The following CD226 variants were observed in gnomAD, a reference collection of about 807,000 sequenced individuals.
CD226 encodes the protein CD226 molecule.
CD226 carries 24 observed loss-of-function variants against 34.9 expected under a neutral mutation model. That is an observed-to-expected ratio of 0.69 (90% CI 0.50 to 0.97). CD226 has a LOEUF of 0.97. Ranked by LOEUF, CD226 falls within the 50% of genes least tolerant of loss-of-function variation. The probability of loss-of-function intolerance (pLI) is 0.00; values close to 1 mark genes in which losing one functional copy is unlikely to be tolerated. For missense variants in CD226, 397 were observed against 412.7 expected (o/e 0.96, Z 0.33); for synonymous variants, 148 against 147.4 (o/e 1.00, Z -0.03).
chr18:69,920,009 A>G (rs1251084503), intron 2 of CD226, among the ~76,000 whole-genome samples: 1 of 151,876 alleles, frequency 6.6e-6, no homozygotes, highest in Non-Finnish European at 1.5e-5. Flanking sequence ...GACAACAGAC[A>G]TGTGCCACCA....
intron 2 of CD226, among the ~76,000 whole-genome samples, chr18:69,903,204 C>T (rs1204072195): frequency 6.6e-6 from 1 of 152,134 alleles, no homozygotes; most frequent in East Asian, 1.9e-4. Context: ...CTTTGCCTGC[C>T]TCATAGTTCT....
intron 4 of CD226, among the ~76,000 whole-genome samples, chr18:69,869,794 T>C (rs972798872): frequency 6.8e-6 from 1 of 148,046 alleles, no homozygotes; most frequent in Non-Finnish European, 1.5e-5. Context: ...GATTTTCTTT[T>C]TTTTCTTTTT....
chr18:69,942,911 C>T (rs2055743954), intron 2 of CD226, among the ~76,000 whole-genome samples: 1 of 152,216 alleles, frequency 6.6e-6, no homozygotes, highest in African/African-American at 2.4e-5. Flanking sequence ...CCCCAGACCC[C>T]GGCCTCTCTA....
chr18:69,936,977 C>T (rs940214906), intron 2 of CD226, among the ~76,000 whole-genome samples: 21 of 152,200 alleles, frequency 1.4e-4, no homozygotes, highest in African/African-American at 4.8e-4. Flanking sequence ...TCCTCCATCA[C>T]TTTCACCTGT....
intron 3 of CD226, among the ~76,000 whole-genome samples, chr18:69,890,938 T>C (rs2145229868): frequency 6.6e-6 from 1 of 151,910 alleles, no homozygotes; most frequent in South Asian, 2.1e-4. Flanking sequence ...ATTTAATTCT[T>C]TTTTAAAAAA....
rs1228662635 is a variant in CD226, at chr18:69,862,273, T to C, written c.*2041A>G. On this transcript the variant is annotated 3_prime_UTR_variant, in exon 6 of 6. Coordinates refer to ENST00000582621, the MANE Select transcript of CD226 (RefSeq NM_001303618.2). ...TTTTCCTGCTCACATACACTAATCATTGAGAATTTGGTTATTGGAGTTTTC... is the reference window on the plus strand; with the variant it reads ...TTTTCCTGCTCACATACACTAATCACTGAGAATTTGGTTATTGGAGTTTTC... 1 of 152,166 alleles carries C rather than the reference T, an allele frequency of 6.6e-6. No individual in the cohort carries two copies. The highest frequency in any genetic ancestry group is 1.5e-5 in the Non-Finnish European group (1 of 67,988). The allele number at this position is 152,166 out of a possible 1,614,324, so 9.4% of individuals were successfully genotyped here.
intron 5 of CD226, among the ~76,000 whole-genome samples, chr18:69,866,782 G>A (rs886689042): frequency 1.3e-5 from 2 of 152,078 alleles, no homozygotes; most frequent in Non-Finnish European, 1.5e-5. Flanking sequence ...GGAGAGGGGT[G>A]GGCCTTTAAG....
intron 2 of CD226, among the ~76,000 whole-genome samples, chr18:69,908,068 T>C (rs1033999516): frequency 1.3e-5 from 2 of 152,214 alleles, no homozygotes; most frequent in African/African-American, 4.8e-5. Context: ...CTCTCTCAAG[T>C]CCCAGCTTGA....
intron 2 of CD226, among the ~76,000 whole-genome samples, chr18:69,933,721 T>C (rs1391507142): frequency 2.0e-5 from 3 of 152,254 alleles, no homozygotes; most frequent in Non-Finnish European, 2.9e-5. Context: ...ATTACCTCTG[T>C]GTCATTTGAG....
chr18:69,917,959 A>G (rs2145302041), intron 2 of CD226, among the ~76,000 whole-genome samples: 1 of 152,284 alleles, frequency 6.6e-6, no homozygotes, highest in East Asian at 1.9e-4. Context: ...AAAACCTTGA[A>G]AACAAGTCAG....
chr18:69,906,830 C>G (rs2055259865), intron 2 of CD226, among the ~76,000 whole-genome samples: 2 of 152,144 alleles, frequency 1.3e-5, no homozygotes, highest in African/African-American at 4.8e-5. Context: ...GGAGCAGGAG[C>G]CGGGCTTGAC....
At position 69,879,671 on chromosome 18, in the gene CD226, C is replaced by T. The variant is rs372924329; in HGVS notation, c.728-6425G>A. Among the ~76,000 whole-genome samples, 6 of 152,290 alleles carry T rather than the reference C, an allele frequency of 3.9e-5. No homozygotes were observed. In the East Asian group the frequency reaches 5.8e-4, roughly 15 times the overall value. ...CACAGGGTCCTGAGGTGACATACAT[C>T]CTCAGCTTACGAAGATGACGGGATT... On this transcript the variant is annotated intron_variant, in intron 3 of 5. Transcript: ENST00000582621.
intron 2 of CD226, among the ~76,000 whole-genome samples, chr18:69,901,963 T>C (rs1224106569): frequency 6.6e-6 from 1 of 151,924 alleles, no homozygotes; most frequent in Non-Finnish European, 1.5e-5. Context: ...TTGTGAAAGG[T>C]ACTTCACACA....
intron 2 of CD226, among the ~76,000 whole-genome samples, chr18:69,905,583 A>G (rs2055242927): frequency 6.6e-6 from 1 of 152,208 alleles, no homozygotes. Flanking sequence ...ATGCAGAAAG[A>G]TGGACTGCAA....
At chr18:69,946,564 A>G (rs913891829) in intron 2 of CD226, among the ~76,000 whole-genome samples, 170 bp downstream of exon 2, 6 of 152,094 alleles carry the variant, frequency 3.9e-5, no homozygotes, top group African/African-American at 1.4e-4. Flanking sequence ...AATGAAACAG[A>G]CTCCCAAGAT....
At chr18:69,896,263 C>G (rs1985290853) in intron 2 of CD226, 4 of 509,408 alleles carry the variant, frequency 7.9e-6, no homozygotes, top group East Asian at 3.1e-4. Flanking sequence ...CTCAATGCAA[C>G]CTCCACCTCC....
chr18:69,925,753 T>C (rs2145320069), intron 2 of CD226, among the ~76,000 whole-genome samples: 1 of 152,266 alleles, frequency 6.6e-6, no homozygotes, highest in South Asian at 2.1e-4. Context: ...CAGTCCACGA[T>C]ACCATCAATC....
intron 4 of CD226, among the ~76,000 whole-genome samples, chr18:69,869,775 A>T (rs1983385640): frequency 6.6e-6 from 1 of 151,518 alleles, no homozygotes; most frequent in Non-Finnish European, 1.5e-5. Flanking sequence ...GGAGTTTCCC[A>T]GGATGAGAGA....
chr18:69,881,564 T>C (rs1984262865), intron 3 of CD226, among the ~76,000 whole-genome samples: 1 of 152,234 alleles, frequency 6.6e-6, no homozygotes, highest in South Asian at 2.1e-4. Flanking sequence ...GGTTTCAACA[T>C]TTTAAGCGCC....
Sources: allele counts gnomAD v4.1 joint callset (sites outside exome capture counted in the v4.1 genomes callset), GRCh38; gene constraint gnomAD v4.1.1; transcripts MANE v1.5; gene names NCBI Gene and HGNC (gene_info 2026-07-23, HGNC 2026-07-21).